SLA2: variants seen among roughly 807,000 people sequenced by gnomAD.
SLA2 encodes the protein src-like-adapter 2.
Under a neutral mutation model 27.3 loss-of-function variants are expected in SLA2, and 22 were observed. That is an observed-to-expected ratio of 0.81 (90% CI 0.58 to 1.15). The LOEUF (loss-of-function observed/expected upper bound fraction) is 1.15, where lower values mean the gene tolerates loss of function less well. Among genes scored for constraint, SLA2 ranks in the 50% most tolerant of loss-of-function variants. The pLI, the probability that SLA2 is intolerant of heterozygous loss-of-function variation, is 0.00. For missense variants in SLA2, 304 were observed against 322.2 expected, an observed-to-expected ratio of 0.94 and a Z score of 0.43; for synonymous variants, 131 against 137.8, an observed-to-expected ratio of 0.95 and a Z score of 0.34.
chr20:36,619,308 C>T (rs1357955122), intron 5 of SLA2, among the ~76,000 whole-genome samples: 5 of 151,124 alleles, frequency 3.3e-5, no homozygotes, highest in Non-Finnish European at 7.4e-5. Flanking sequence ...GGTGGATCAC[C>T]TGAGGTAAGG....
At position 36,642,777 on chromosome 20, in the gene SLA2, G is replaced by A. The variant is rs145467762; in HGVS notation, c.-43-1399C>T. On this transcript the variant is annotated intron_variant, in intron 1 of 7. Coordinates refer to ENST00000262866, the MANE Select transcript of SLA2 (RefSeq NM_032214.4). ...ATTTTGTATTTTTAGTAGAGATGGGGTCTCCCCATATTGGTCAGGCTGGTC... is the reference window on the plus strand; with the variant it reads ...ATTTTGTATTTTTAGTAGAGATGGGATCTCCCCATATTGGTCAGGCTGGTC... 4.3e-3 allele frequency among the ~76,000 whole-genome samples: 651 copies of A among 152,158 alleles called. 6 individuals are homozygous for A. Among genetic ancestry groups the A allele is most frequent in the African/African-American group, 0.015 (616 of 41,514 alleles).
At chr20:36,628,123 C>T (rs1444408868) in intron 5 of SLA2, among the ~76,000 whole-genome samples, 1 of 152,134 alleles carries the variant, frequency 6.6e-6, no homozygotes, top group Non-Finnish European at 1.5e-5. Context: ...CTGACCTCTG[C>T]CCCCAAAAGT....
intron 5 of SLA2, among the ~76,000 whole-genome samples, chr20:36,629,194 C>T (rs2039368772): frequency 6.6e-6 from 1 of 151,928 alleles, no homozygotes; most frequent in South Asian, 2.1e-4. Flanking sequence ...TCCTGAGTAG[C>T]TGGGATTACA....
At chr20:36,632,772 C>G in intron 4 of SLA2, 74 bp from the exon 5 acceptor site, 1 of 1,169,480 alleles carries the variant, frequency 8.6e-7, no homozygotes, top group Non-Finnish European at 1.2e-6. Flanking sequence ...TTTACCACCA[C>G]CGCTGAGTGA....
chr20:36,636,175 T>C (rs1390746317), intron 2 of SLA2, among the ~76,000 whole-genome samples: 2 of 149,570 alleles, frequency 1.3e-5, no homozygotes, highest in Non-Finnish European at 3.0e-5. Context: ...CCCAGCACTT[T>C]GGGAGGCCGA....
At chr20:36,621,118 G>A in intron 5 of SLA2, 1 of 387,922 alleles carries the variant, frequency 2.6e-6, no homozygotes, top group South Asian at 2.2e-5. Flanking sequence ...CATCAATGAT[G>A]GTGAGCCTGC....
Position 36,634,510 on chromosome 20 carries a change from C to A in SLA2, c.171G>T (p.Glu57Asp). ...CTTACTCAGAGACGATGGTCAATGG[C>A]TCCCCGAGTCTCAGCGACAGCTCGG... Reference protein sequence around the residue: ...GPAELSLRLGEPLTIVSEDGD... With the variant: ...GPAELSLRLGDPLTIVSEDGD... Residue 57 changes from glutamate to aspartate, a missense_variant, in exon 3 of 8, where the codon GAG (glutamate) becomes GAT (aspartate). By Grantham distance (45) the Glu-to-Asp change is conservative (BLOSUM62 2). Coordinates refer to ENST00000262866, the MANE Select transcript of SLA2 (RefSeq NM_032214.4). 1.2e-6 allele frequency: 2 copies of A among 1,610,836 alleles called. No homozygotes were observed. The highest frequency in any genetic ancestry group is 1.7e-6 in the Non-Finnish European group (2 of 1,178,126).
chr20:36,618,536 A>G (rs1265912591), intron 5 of SLA2, among the ~76,000 whole-genome samples: 1 of 151,592 alleles, frequency 6.6e-6, no homozygotes, highest in Non-Finnish European at 1.5e-5. Context: ...GTGCCCGGCC[A>G]ACAAATTTAA....
chr20:36,642,788 T>C (rs2039520000), intron 1 of SLA2, among the ~76,000 whole-genome samples: 1 of 152,174 alleles, frequency 6.6e-6, no homozygotes, highest in Non-Finnish European at 1.5e-5. Flanking sequence ...TCTCCCCATA[T>C]TGGTCAGGCT....
intron 4 of SLA2, 91 bp downstream of exon 4, chr20:36,633,452 T>A: frequency 8.9e-7 from 1 of 1,118,880 alleles, no homozygotes; most frequent in Non-Finnish European, 1.4e-6. Flanking sequence ...CATCCCCAGC[T>A]TTGCTCAGCG....
chr20:36,612,370 A>C lies in SLA2; in HGVS notation c.*1496T>G. 3 of 734,188 alleles carry C rather than the reference A, an allele frequency of 4.1e-6. No individual in the cohort carries two copies. Among genetic ancestry groups the C allele is most frequent in the Non-Finnish European group, 7.0e-6 (3 of 431,272 alleles). 45.5% of individuals were successfully genotyped at this position (734,188 alleles called of 1,614,324 possible). ...TGATGCACCTCTGGATTCAGATGAA[A>C]CATTAAATTGTCTTCCTCGATTCTC... On this transcript the variant is annotated 3_prime_UTR_variant, in exon 8 of 8. Transcript: ENST00000262866.
At chr20:36,641,931 G>A (rs933732357) in intron 1 of SLA2, among the ~76,000 whole-genome samples, 1 of 151,390 alleles carries the variant, frequency 6.6e-6, no homozygotes, top group African/African-American at 2.4e-5. Flanking sequence ...GCTGAGGCAG[G>A]TGGATGACCT....
At chr20:36,644,814 A>T (rs982077503) in intron 1 of SLA2, among the ~76,000 whole-genome samples, 29 of 151,908 alleles carry the variant, frequency 1.9e-4, no homozygotes, top group African/African-American at 6.5e-4. Flanking sequence ...CATCGGGTGA[A>T]AGGAAAAAGT....
chr20:36,628,012 G>A (rs906035398), intron 5 of SLA2, among the ~76,000 whole-genome samples: 1 of 152,198 alleles, frequency 6.6e-6, no homozygotes. Context: ...AAAGTACATT[G>A]TCTCTTATTA....
chr20:36,616,031 T>G (rs904529305), intron 5 of SLA2, among the ~76,000 whole-genome samples: 1 of 152,176 alleles, frequency 6.6e-6, no homozygotes, highest in Non-Finnish European at 1.5e-5. Flanking sequence ...AGAAAAACAT[T>G]ACAGAGCATA....
chr20:36,615,333 A>G lies in SLA2; in HGVS notation c.424T>C (p.Trp142Arg), dbSNP rs1370952368. ...LSVRLSRPAS[W>R]DRIRHYRIHC... ...ATCCTGTAGTGTCTGATCCGGTCCCAGGATGCAGGGCGGCTGAGGCGGACT... is the reference window on the plus strand; with the variant it reads ...ATCCTGTAGTGTCTGATCCGGTCCCGGGATGCAGGGCGGCTGAGGCGGACT... The change falls in exon 6 of 8, where the codon TGG (tryptophan) becomes CGG (arginine). Residue 142 changes from tryptophan to arginine, a missense_variant. By Grantham distance (101) the Trp-to-Arg change is moderately radical. Transcript: ENST00000262866. 6.2e-7 allele frequency: 1 copy of G among 1,614,148 alleles called. No homozygotes were observed. Among genetic ancestry groups the G allele is most frequent in the African/African-American group, 1.3e-5 (1 of 75,056 alleles).
At position 36,623,430 on chromosome 20, in the gene SLA2, G is replaced by C. The variant is rs903246620; in HGVS notation, c.383-8056C>G. On this transcript the variant is annotated intron_variant, in intron 5 of 7. Coordinates refer to ENST00000262866, the MANE Select transcript of SLA2 (RefSeq NM_032214.4). ...ATAACACAAGAAAAATAAATTTAAAGTATATGGATTGGAAAATAATACAGC... is the reference window on the plus strand; with the variant it reads ...ATAACACAAGAAAAATAAATTTAAACTATATGGATTGGAAAATAATACAGC... Among the ~76,000 whole-genome samples, 17 of 152,038 alleles carry C rather than the reference G, an allele frequency of 1.1e-4. 1 individual carries two copies. Among genetic ancestry groups the C allele is most frequent in the Admixed American group, 7.2e-4 (11 of 15,260 alleles).
intron 5 of SLA2, chr20:36,621,389 G>A: frequency 3.4e-6 from 2 of 586,390 alleles, no homozygotes; most frequent in East Asian, 8.1e-5. Context: ...GGATGTGGTG[G>A]TGTAAGTGGT....
In SLA2 at chr20:36,614,518, C is replaced by T. The variant is rs2039184513; in HGVS notation, c.533-81G>A. ...CAGCCCTCACCCTGACAGCCCTCTG[C>T]AGTTGGCAGGAGGGGGCATGGTTAC... On this transcript the variant is annotated intron_variant, in intron 6 of 7. Transcript: ENST00000262866. The T allele has an allele frequency of 3.3e-6, 5 of 1,513,678 alleles. No individual in the cohort carries two copies. The East Asian group carries it at 6.8e-5, about 21-fold the overall frequency. The allele number at this position is 1,513,678 out of a possible 1,614,324, so 93.8% of individuals were successfully genotyped here.
Sources: gnomAD v4.1 joint callset for allele counts (sites outside exome capture counted in the v4.1 genomes callset) on GRCh38, gnomAD v4.1.1 for gene constraint, MANE v1.5 for transcripts, NCBI Gene and HGNC (gene_info 2026-07-23, HGNC 2026-07-21) for gene names.